Variants in RAD51B observed in about 807,000 individuals in gnomAD.
The protein encoded by RAD51B is RAD51 paralog B.
A neutral mutation model predicts 42.2 loss-of-function variants in RAD51B; 38 were observed. The ratio of observed to expected loss-of-function variants is 0.90; its 90% CI spans 0.70 to 1.18. RAD51B has a LOEUF of 1.18. Among genes scored for constraint, RAD51B ranks in the 50% most tolerant of loss-of-function variants. The probability of loss-of-function intolerance (pLI) is 0.00; values close to 1 mark genes in which losing one functional copy is unlikely to be tolerated. For missense variants in RAD51B, 373 were observed against 400.7 expected (o/e 0.93, Z 0.59); for synonymous variants, 154 against 145.2 (o/e 1.06, Z -0.43).
At chr14:68,182,903 G>GA (rs1595520395) in intron 7 of RAD51B, among the ~76,000 whole-genome samples, 1 of 152,134 alleles carries the variant, frequency 6.6e-6, no homozygotes. Context: ...CCACTTTTTA[G>GA]ATGTATAACT....
chr14:67,909,595 A>G (rs1041885524), intron 7 of RAD51B, among the ~76,000 whole-genome samples: 1 of 152,254 alleles, frequency 6.6e-6, no homozygotes, highest in Non-Finnish European at 1.5e-5. Context: ...AAATTATTAC[A>G]TCAATTCAAT....
chr14:68,171,189 A>T (rs1958113), intron 7 of RAD51B, among the ~76,000 whole-genome samples: 118,852 of 152,238 alleles, frequency 0.78, 47,106 homozygotes, highest in East Asian at 0.98. Flanking sequence ...TCATTGTCTC[A>T]TATTTGTAAC....
chr14:68,331,297 G>C (rs1294804918), intron 8 of RAD51B, among the ~76,000 whole-genome samples: 1 of 138,096 alleles, frequency 7.2e-6, no homozygotes, highest in East Asian at 2.1e-4. Flanking sequence ...GGACCTGGGA[G>C]GCAGAGGTTG....
At chr14:68,664,703 T>C (rs1457080117) in intron 11 of RAD51B, among the ~76,000 whole-genome samples, 1 of 152,192 alleles carries the variant, frequency 6.6e-6, no homozygotes, top group Non-Finnish European at 1.5e-5. Flanking sequence ...TGGGTTCATA[T>C]GTGCTTATTT....
At chr14:68,068,372 G>T (rs1174193467) in intron 7 of RAD51B, among the ~76,000 whole-genome samples, 1 of 152,148 alleles carries the variant, frequency 6.6e-6, no homozygotes, top group Non-Finnish European at 1.5e-5. Context: ...CATACAAAAT[G>T]TGGCCTTTTG....
intron 7 of RAD51B, among the ~76,000 whole-genome samples, chr14:68,137,692 A>G (rs2078039149): frequency 6.6e-6 from 1 of 152,242 alleles, no homozygotes; most frequent in Non-Finnish European, 1.5e-5. Flanking sequence ...TTAAAGAACT[A>G]CAGTCCACAG....
At chr14:67,838,804 T>TA (rs56299969) in intron 4 of RAD51B, among the ~76,000 whole-genome samples, 50,792 of 145,100 alleles carry the variant, frequency 0.35, 8,908 homozygotes, top group Middle Eastern at 0.49. Context: ...GATAAAAAAG[T>TA]AAAAAAAAAA....
At chr14:67,869,843 T>C (rs917681752) in intron 5 of RAD51B, among the ~76,000 whole-genome samples, 1 of 151,910 alleles carries the variant, frequency 6.6e-6, no homozygotes, top group Non-Finnish European at 1.5e-5. Flanking sequence ...ACAAGCTTCA[T>C]AAGTGAAGGA....
intron 10 of RAD51B, among the ~76,000 whole-genome samples, chr14:68,593,662 A>AGG (rs1890856938): frequency 6.6e-6 from 1 of 152,136 alleles, no homozygotes; most frequent in Non-Finnish European, 1.5e-5. Flanking sequence ...AAAGTGGGGA[A>AGG]TGTATCAGGG....
chr14:67,829,031 G>A (rs184950804), intron 3 of RAD51B, among the ~76,000 whole-genome samples: 8 of 152,238 alleles, frequency 5.3e-5, no homozygotes, highest in Non-Finnish European at 7.4e-5. Context: ...AATGTGAATG[G>A]TAGTTTAATG....
chr14:68,072,647 A>G (rs1263925015), intron 7 of RAD51B, among the ~76,000 whole-genome samples: 1 of 152,150 alleles, frequency 6.6e-6, no homozygotes, highest in East Asian at 1.9e-4. Flanking sequence ...AATCAAGTTG[A>G]CACTCAGTAT....
intron 10 of RAD51B, among the ~76,000 whole-genome samples, chr14:68,558,914 C>A (rs1043968088): frequency 2.0e-5 from 3 of 152,162 alleles, no homozygotes; most frequent in Middle Eastern, 3.4e-3. Context: ...TATAGGGAAT[C>A]CTTGGGTGAC....
intron 8 of RAD51B, among the ~76,000 whole-genome samples, chr14:68,376,580 A>G (rs963517310): frequency 4.6e-5 from 7 of 152,142 alleles, no homozygotes. Flanking sequence ...AAGTCACAGC[A>G]CCTGCCAACA....
intron 7 of RAD51B, among the ~76,000 whole-genome samples, chr14:68,126,914 G>T (rs1173377283): frequency 1.3e-5 from 2 of 152,060 alleles, no homozygotes; most frequent in Non-Finnish European, 2.9e-5. Context: ...AGTAGCTGAG[G>T]GAAAATCTAA....
chr14:68,147,553 C>A (rs1429456711), intron 7 of RAD51B, among the ~76,000 whole-genome samples: 1 of 152,130 alleles, frequency 6.6e-6, no homozygotes, highest in African/African-American at 2.4e-5. Flanking sequence ...CACTAGATTT[C>A]ATCACCATCT....
chr14:67,824,906 G>T (rs554741339), intron 2 of RAD51B, among the ~76,000 whole-genome samples: 1 of 151,230 alleles, frequency 6.6e-6, no homozygotes, highest in Non-Finnish European at 1.5e-5. Flanking sequence ...GTGAACTCTT[G>T]TCTCTACTAA....
At chr14:68,164,613 CT>C (rs1428163015) in intron 7 of RAD51B, among the ~76,000 whole-genome samples, 1 of 152,148 alleles carries the variant, frequency 6.6e-6, no homozygotes, top group Non-Finnish European at 1.5e-5. Context: ...TTGGTGATTT[CT>C]TTTAGATTTC....
chr14:68,204,551 G>T (rs1285276408), intron 7 of RAD51B, among the ~76,000 whole-genome samples: 1 of 152,186 alleles, frequency 6.6e-6, no homozygotes, highest in Non-Finnish European at 1.5e-5. Context: ...TGGAAAAATG[G>T]CACTAATAGA....
chr14:68,286,602 T>C (rs549818385), intron 7 of RAD51B, among the ~76,000 whole-genome samples: 1 of 152,338 alleles, frequency 6.6e-6, no homozygotes, highest in Admixed American at 6.5e-5. Flanking sequence ...CTGTACATTC[T>C]AGTACTCATG....
Sources: gnomAD v4.1 joint callset for allele counts (sites outside exome capture counted in the v4.1 genomes callset) on GRCh38, gnomAD v4.1.1 for gene constraint, MANE v1.5 for transcripts, NCBI Gene and HGNC (gene_info 2026-07-23, HGNC 2026-07-21) for gene names.